Variants in NPL observed in about 807,000 individuals in gnomAD.
The protein encoded by NPL is N-acetylneuraminate lyase.
Under a neutral mutation model 41.1 loss-of-function variants are expected in NPL, and 32 were observed. The observed-to-expected ratio is 0.78, with a 90% confidence interval of 0.59 to 1.05. NPL has a LOEUF of 1.05. NPL is among the 50% of genes least tolerant of loss of function. NPL has a pLI of 0.00. For synonymous variants in NPL, 128 were observed against 134.9 expected (o/e 0.95, Z 0.35); for missense variants, 321 against 378.4 (o/e 0.85, Z 1.26).
At chr1:182,794,794 T>G (rs1014560408) in intron 3 of NPL, among the ~76,000 whole-genome samples, 1 of 152,206 alleles carries the variant, frequency 6.6e-6, no homozygotes, top group Admixed American at 6.5e-5. Flanking sequence ...GAATCCCATT[T>G]TAGCATAATT....
rs371638788 is a variant in NPL at position 182,808,167 on chromosome 1, C to A, written c.230+1935C>A. Reference sequence around the variant, plus strand: ...AAATAGAAGTAATAATCATATCTCACTTATGAGGTTGTAGTGAGGATTAGA... The same window carrying A: ...AAATAGAAGTAATAATCATATCTCAATTATGAGGTTGTAGTGAGGATTAGA... On this transcript the variant is annotated intron_variant, in intron 5 of 12. Transcript: ENST00000367553. Among the ~76,000 whole-genome samples the A allele has an allele frequency of 7.9e-5, 12 of 152,308 alleles. No individual in the cohort carries two copies. In the East Asian group the frequency reaches 1.3e-3, roughly 17 times the overall value.
Position 182,828,799 on chromosome 1 carries a change from T to G in NPL, c.854T>G (p.Leu285Arg), listed in dbSNP as rs749423280. Residue 285 changes from leucine (L) to arginine (R), a missense_variant, in exon 13 of 13, where the codon CTG (leucine) becomes CGG (arginine). Transcript: ENST00000367553. The surrounding 1 kb of genome is among the most constrained non-coding windows in gnomAD (Gnocchi z 4.0). ...CCAATGGGCCCACCCCGGCTTCCAC[T>G]GCAGAAAGCCTCCAGGGAGTTTACT... ...GIPMGPPRLP[L>R]QKASREFTDS... 66 of 1,614,064 alleles carry G rather than the reference T, an allele frequency of 4.1e-5. No individual in the cohort carries two copies. The highest frequency in any genetic ancestry group is 8.8e-5 in the South Asian group (8 of 91,092).
At position 182,828,560 on chromosome 1, in the gene NPL, C is replaced by T. The variant is rs1199825386; in HGVS notation, c.779-164C>T. On this transcript the variant is annotated intron_variant, in intron 12 of 12. Coordinates refer to ENST00000367553, the MANE Select transcript of NPL (RefSeq NM_030769.3). This position sits in a 1 kb window ranked among gnomAD's most constrained non-coding sequence, Gnocchi z 4.0. The stretch of plus-strand genomic sequence containing the variant: ...GTGTTTGAAGCAGGAAGAGGGATTT[C>T]GAATGATTGCTCATCTGTCATATTG... 1.3e-5 allele frequency among the ~76,000 whole-genome samples: 2 copies of T among 152,132 alleles called. No homozygotes were observed. Among genetic ancestry groups the T allele is most frequent in the Admixed American group, 6.5e-5 (1 of 15,274 alleles).
chr1:182,812,585 G>C (rs191048963), intron 6 of NPL, among the ~76,000 whole-genome samples: 1 of 152,170 alleles, frequency 6.6e-6, no homozygotes, highest in Non-Finnish European at 1.5e-5. Flanking sequence ...TTGAAGAATG[G>C]CAAATGTGAA....
At chr1:182,791,646 AGTTTT>A (rs1247583747) in intron 1 of NPL, among the ~76,000 whole-genome samples, 1 of 152,342 alleles carries the variant, frequency 6.6e-6, no homozygotes, top group Admixed American at 6.5e-5. Flanking sequence ...TGTGGTAATT[AGTTTT>A]ATTTCTTTCC....
At chr1:182,800,654 C>CATCCAG (rs1394214236) in intron 3 of NPL, among the ~76,000 whole-genome samples, 1 of 151,016 alleles carries the variant, frequency 6.6e-6, no homozygotes, top group Non-Finnish European at 1.5e-5. Flanking sequence ...GACCTGGGGG[C>CATCCAG]ATCCAGTCCT....
chr1:182,827,679 T>C (rs181612784), intron 12 of NPL, among the ~76,000 whole-genome samples: 2 of 152,350 alleles, frequency 1.3e-5, no homozygotes, highest in East Asian at 3.9e-4. Flanking sequence ...TCTTAGCCTA[T>C]GGCTTCTATT....
At chr1:182,825,907 G>T (rs1391326299) in intron 12 of NPL, 87 bp downstream of exon 12, 2 of 1,010,100 alleles carry the variant, frequency 2.0e-6, no homozygotes, top group Non-Finnish European at 3.1e-6. Flanking sequence ...GGTTCAACAA[G>T]AACACTTTTT....
intron 3 of NPL, 101 bp downstream of exon 3, chr1:182,794,540 GA>G: frequency 8.3e-7 from 1 of 1,201,778 alleles, no homozygotes; most frequent in East Asian, 2.3e-5. Flanking sequence ...CACCTCTGTA[GA>G]ACTGTTGCCA....
intron 7 of NPL, 21 bp downstream of exon 7, chr1:182,814,879 G>A (rs748261342): frequency 6.3e-7 from 1 of 1,587,002 alleles, no homozygotes. Flanking sequence ...AGGTCTGAAT[G>A]CATGGCATCT....
chr1:182,793,416 G>A (rs986190266), intron 2 of NPL, among the ~76,000 whole-genome samples: 14 of 152,110 alleles, frequency 9.2e-5, no homozygotes, highest in East Asian at 1.9e-4. Flanking sequence ...CCAGCAGTGC[G>A]CTACCCATCT....
intron 7 of NPL, among the ~76,000 whole-genome samples, chr1:182,815,367 T>A (rs1285568071): frequency 6.6e-6 from 1 of 152,232 alleles, no homozygotes; most frequent in Non-Finnish European, 1.5e-5. Context: ...TGTCTAAGTA[T>A]ACCAAGTCTT....
chr1:182,804,618 C>T (rs565867762), intron 4 of NPL, among the ~76,000 whole-genome samples: 13 of 152,294 alleles, frequency 8.5e-5, no homozygotes, highest in East Asian at 1.9e-4. Context: ...TACTTACCTG[C>T]GATTGAGCTG....
chr1:182,797,034 C>CAAAAAAAAAAAAAA (rs59582125), intron 3 of NPL, among the ~76,000 whole-genome samples: 25 of 96,016 alleles, frequency 2.6e-4, no homozygotes, highest in African/African-American at 8.6e-4. Context: ...GAATATGTCT[C>CAAAAAAAAAAAAAA]AAAAAAAAAA....
intron 11 of NPL, among the ~76,000 whole-genome samples, chr1:182,823,910 T>G (rs1282516135): frequency 6.6e-6 from 1 of 152,250 alleles, no homozygotes; most frequent in African/African-American, 2.4e-5. Context: ...AAGGAACTTA[T>G]TTTACCACAT....
chr1:182,796,010 G>A (rs568239775), intron 3 of NPL, among the ~76,000 whole-genome samples: 2 of 152,112 alleles, frequency 1.3e-5, no homozygotes, highest in African/African-American at 4.8e-5. Context: ...CCGTTTTCCT[G>A]GAAGGCCAGA....
chr1:182,812,113 C>G, intron 5 of NPL, 43 bp from the exon 6 acceptor site: 1 of 1,603,276 alleles, frequency 6.2e-7, no homozygotes, highest in Non-Finnish European at 8.5e-7. Context: ...CTTCTGCATG[C>G]CTCTAAACTC....
rs575441324 is a variant in NPL, at chr1:182,806,221, A to G, written c.219A>G (p.Lys73=). ...AGGTTGCAGAGGAGTGGGTGACAAA[A>G]GGGAAGGACAAGTGAGTGGCTGCAT... ...RRQVAEEWVT[K]GKDKLDQVII... The change falls in exon 5 of 13, where the codon AAA becomes AAG. Residue 73 remains lysine, a synonymous_variant. Transcript: ENST00000367553. 2.1e-5 allele frequency: 34 copies of G among 1,614,192 alleles called. No homozygotes were observed. The East Asian group carries it at 6.5e-4, about 31-fold the overall frequency.
chr1:182,818,510 A>C, intron 8 of NPL, 31 bp from the exon 9 acceptor site: 5 of 1,612,446 alleles, frequency 3.1e-6, no homozygotes, highest in Non-Finnish European at 4.2e-6. Flanking sequence ...AGAGATGTGC[A>C]GATTAATGAG....
Sources: gnomAD v4.1 joint callset for allele counts (sites outside exome capture counted in the v4.1 genomes callset) on GRCh38, gnomAD v4.1.1 for gene constraint, Gnocchi (gnomAD v3.1) non-coding constraint, MANE v1.5 for transcripts, NCBI Gene and HGNC (gene_info 2026-07-23, HGNC 2026-07-21) for gene names.